The following PHF14 variants were observed in gnomAD, a reference collection of about 807,000 sequenced individuals.
PHF14 encodes the protein PHD finger protein 14.
In PHF14, 55 loss-of-function variants were observed where a neutral mutation model predicts 117.9. The ratio of observed to expected loss-of-function variants is 0.47; its 90% confidence interval spans 0.38 to 0.58. PHF14 has a LOEUF of 0.58. PHF14 is among the 20% of genes least tolerant of loss of function. PHF14 has a pLI of 0.00. For synonymous variants in PHF14, 409 were observed against 368.6 expected, an observed-to-expected ratio of 1.11 and a Z score of -1.26; for missense variants, 978 against 1,122.2, an observed-to-expected ratio of 0.87 and a Z score of 1.84.
chr7:11,013,043 C>T (rs1481795373), intron 4 of PHF14, among the ~76,000 whole-genome samples: 1 of 152,160 alleles, frequency 6.6e-6, no homozygotes, highest in Non-Finnish European at 1.5e-5. Flanking sequence ...CTTTGTTTTG[C>T]ATGAGTTTGA....
intron 3 of PHF14, among the ~76,000 whole-genome samples, chr7:10,988,363 T>C (rs1363640952): frequency 2.0e-5 from 3 of 152,186 alleles, no homozygotes; most frequent in African/African-American, 7.2e-5. Flanking sequence ...AACTGCATTT[T>C]GATACAACTT....
At chr7:11,127,155 T>G (rs4720938) in intron 17 of PHF14, among the ~76,000 whole-genome samples, 74,280 of 151,468 alleles carry the variant, frequency 0.49, 18,974 homozygotes, top group East Asian at 0.85. Context: ...TAATGTCAAA[T>G]CTTCTATTCT....
chr7:10,997,130 T>C (rs1782681842), intron 4 of PHF14, among the ~76,000 whole-genome samples: 1 of 152,252 alleles, frequency 6.6e-6, no homozygotes, highest in African/African-American at 2.4e-5. Context: ...AATGCATACG[T>C]GCTTTACTTA....
intron 5 of PHF14, among the ~76,000 whole-genome samples, 190 bp downstream of exon 5, chr7:11,014,096 C>CA (rs1188183832): frequency 3.3e-5 from 5 of 152,154 alleles, no homozygotes; most frequent in African/African-American, 1.2e-4. Flanking sequence ...TGAGTACCTG[C>CA]ATTTGCCTTT....
At chr7:11,038,981 T>C (rs369479117) in intron 11 of PHF14, 126 bp downstream of exon 11, 8 of 429,804 alleles carry the variant, frequency 1.9e-5, no homozygotes, top group African/African-American at 4.2e-5. Flanking sequence ...GCCTAATCCT[T>C]TGGGATAATG....
At chr7:11,098,833 G>C (rs1786977150) in intron 16 of PHF14, among the ~76,000 whole-genome samples, 1 of 152,134 alleles carries the variant, frequency 6.6e-6, no homozygotes. Context: ...TTGCCACTAA[G>C]AATGTTTCCT....
chr7:11,083,554 A>G (rs1173883735), intron 16 of PHF14, among the ~76,000 whole-genome samples: 2 of 140,860 alleles, frequency 1.4e-5, no homozygotes, highest in East Asian at 2.2e-4. Context: ...TCCGCCTCCC[A>G]GGTTCAAGCA....
At chr7:11,144,979 G>A (rs1355033025) in intron 17 of PHF14, among the ~76,000 whole-genome samples, 2 of 151,878 alleles carry the variant, frequency 1.3e-5, no homozygotes, top group South Asian at 4.2e-4. Context: ...TGGTATAAAC[G>A]GGAACAGAGT....
chr7:11,028,579 G>A (rs1203730689), intron 6 of PHF14, 102 bp from the exon 7 acceptor site: 20 of 1,039,616 alleles, frequency 1.9e-5, no homozygotes, highest in Non-Finnish European at 2.6e-5. Flanking sequence ...TTCATTATTT[G>A]TATTTAGCAT....
chr7:10,977,982 ATTAC>A (rs545308150), intron 2 of PHF14, among the ~76,000 whole-genome samples: 344 of 152,322 alleles, frequency 2.3e-3, no homozygotes, highest in African/African-American at 7.6e-3. Flanking sequence ...GCAGACATGT[ATTAC>A]TTCTATTAAC....
In PHF14 at chr7:11,022,954, T is replaced by A; in HGVS notation, c.1292T>A (p.Met431Lys). 6.2e-7 allele frequency: 1 copy of A among 1,605,058 alleles called. No homozygotes were observed. The highest frequency in any genetic ancestry group is 1.1e-5 in the South Asian group (1 of 89,896). ...DKLRPVTLTEMNYSKYGAKEC... is the reference protein window; with the variant it reads ...DKLRPVTLTEKNYSKYGAKEC... The stretch of plus-strand genomic sequence containing the variant: ...TTACGACCAGTAACACTAACGGAAA[T>A]GAACTATTCCAAATATGGTGCCAAG... Residue 431 changes from methionine (M) to lysine (K), a missense_variant, in exon 6 of 18, where the codon ATG becomes AAG. By Grantham distance (95) the Met-to-Lys change is moderately conservative (BLOSUM62 -1). Transcript: ENST00000634607.
chr7:11,066,574 GCTA>G (rs1785431819), intron 16 of PHF14, among the ~76,000 whole-genome samples: 1 of 152,120 alleles, frequency 6.6e-6, no homozygotes, highest in Non-Finnish European at 1.5e-5. Flanking sequence ...TTTTATATGA[GCTA>G]TCTGAAATTA....
intron 17 of PHF14, among the ~76,000 whole-genome samples, chr7:11,123,772 C>G (rs1787841689): frequency 6.6e-6 from 1 of 151,664 alleles, no homozygotes; most frequent in Non-Finnish European, 1.5e-5. Flanking sequence ...TCGCTTGAAC[C>G]CAGGAAGCGG....
intron 16 of PHF14, among the ~76,000 whole-genome samples, chr7:11,089,288 A>T (rs1227599351): frequency 6.6e-6 from 1 of 152,240 alleles, no homozygotes; most frequent in Non-Finnish European, 1.5e-5. Context: ...GCAGTATACT[A>T]AATAAGGTGT....
intron 16 of PHF14, among the ~76,000 whole-genome samples, chr7:11,096,973 CTTTTTTT>C (rs899756252): frequency 1.0e-4 from 11 of 108,590 alleles, no homozygotes; most frequent in Admixed American, 4.8e-4. Context: ...TAGACTAGAA[CTTTTTTT>C]TTTTTTTTTT....
chr7:10,993,478 T>G (rs1356693657), intron 4 of PHF14, among the ~76,000 whole-genome samples: 2 of 152,244 alleles, frequency 1.3e-5, no homozygotes, highest in African/African-American at 4.8e-5. Flanking sequence ...TTTTTAGTAA[T>G]GTTTGTTGAG....
chr7:11,129,020 T>A (rs1477660062), intron 17 of PHF14, among the ~76,000 whole-genome samples: 1 of 152,032 alleles, frequency 6.6e-6, no homozygotes, highest in African/African-American at 2.4e-5. Flanking sequence ...GATTACAAAC[T>A]CTCTTACAAC....
intron 17 of PHF14, among the ~76,000 whole-genome samples, chr7:11,134,731 C>T (rs955237536): frequency 7.2e-5 from 11 of 151,968 alleles, no homozygotes; most frequent in Non-Finnish European, 1.5e-4. Flanking sequence ...CAGAAATTAT[C>T]GTAATCTTGT....
intron 16 of PHF14, among the ~76,000 whole-genome samples, chr7:11,095,279 T>G (rs2128339766): frequency 6.6e-6 from 1 of 152,320 alleles, no homozygotes; most frequent in East Asian, 1.9e-4. Flanking sequence ...GTGAGAAAAC[T>G]GAGGCAAGTG....
Sources: gnomAD v4.1 joint callset for allele counts (sites outside exome capture counted in the v4.1 genomes callset) on GRCh38, gnomAD v4.1.1 for gene constraint, MANE v1.5 for transcripts, NCBI Gene and HGNC (gene_info 2026-07-23, HGNC 2026-07-21) for gene names.